The following SLC39A12 variants were observed in gnomAD, a reference collection of about 807,000 sequenced individuals.
The protein encoded by SLC39A12 is zinc transporter ZIP12.
SLC39A12 carries 63 observed loss-of-function variants against 71.1 expected under a neutral mutation model. That is an observed-to-expected ratio of 0.89 (90% confidence interval 0.72 to 1.09). The LOEUF (loss-of-function observed/expected upper bound fraction) is 1.09, where lower values mean the gene tolerates loss of function less well. Among genes scored for constraint, SLC39A12 ranks in the 50% least tolerant of loss-of-function variants. The probability of loss-of-function intolerance (pLI) is 0.00; values close to 1 mark genes in which losing one functional copy is unlikely to be tolerated. For missense variants in SLC39A12, 892 were observed against 812.6 expected (o/e 1.10, Z -1.19); for synonymous variants, 351 against 301.3 (o/e 1.16, Z -1.71).
At chr10:17,976,777 G>A (rs1589227293) in intron 4 of SLC39A12, among the ~76,000 whole-genome samples, 1 of 152,114 alleles carries the variant, frequency 6.6e-6, no homozygotes, top group Admixed American at 6.6e-5. Flanking sequence ...GTCTGGGTGT[G>A]AATCTTTTTG....
chr10:17,980,354 C>T (rs551968100), intron 5 of SLC39A12, among the ~76,000 whole-genome samples: 24 of 152,210 alleles, frequency 1.6e-4, no homozygotes, highest in African/African-American at 5.5e-4. Context: ...AATCTCTATA[C>T]AGTGTGGCAA....
intron 1 of SLC39A12, 37 bp from the exon 2 acceptor site, chr10:17,953,154 C>G (rs1344472795): frequency 8.8e-6 from 11 of 1,249,208 alleles, no homozygotes; most frequent in Non-Finnish European, 1.1e-5. Context: ...GTTGCAGGCA[C>G]AATAATTGAA....
intron 10 of SLC39A12, among the ~76,000 whole-genome samples, chr10:17,997,544 C>G (rs966480217): frequency 6.6e-6 from 1 of 152,048 alleles, no homozygotes; most frequent in Non-Finnish European, 1.5e-5. Flanking sequence ...CCAGTCAAAT[C>G]AGGAGCTGAA....
At chr10:17,959,991 G>A (rs1554848189) in intron 2 of SLC39A12, among the ~76,000 whole-genome samples, 1 of 152,100 alleles carries the variant, frequency 6.6e-6, no homozygotes, top group Admixed American at 6.6e-5. Flanking sequence ...GTGGAATAGG[G>A]GCATCATAGA....
chr10:17,994,846 G>C (rs1350115375), intron 9 of SLC39A12, among the ~76,000 whole-genome samples: 2 of 152,086 alleles, frequency 1.3e-5, no homozygotes, highest in Non-Finnish European at 2.9e-5. Flanking sequence ...CATTACATTT[G>C]TGTCAAAATT....
chr10:17,999,193 G>C (rs1380083698), intron 10 of SLC39A12, among the ~76,000 whole-genome samples: 1 of 151,080 alleles, frequency 6.6e-6, no homozygotes, highest in Non-Finnish European at 1.5e-5. Flanking sequence ...AGCAACTCGG[G>C]AGGCTGAGAC....
intron 5 of SLC39A12, among the ~76,000 whole-genome samples, chr10:17,979,982 A>G (rs1835210945): frequency 6.6e-6 from 1 of 152,158 alleles, no homozygotes; most frequent in Non-Finnish European, 1.5e-5. Flanking sequence ...AGATATATGC[A>G]GAGGGAAAAA....
Position 17,961,596 on chromosome 10 carries a change from G to A in SLC39A12, c.277G>A (p.Ala93Thr). 1 of 1,611,924 alleles carries A rather than the reference G, an allele frequency of 6.2e-7. No individual in the cohort carries two copies. Among genetic ancestry groups the A allele is most frequent in the South Asian group, 1.1e-5 (1 of 90,512 alleles). ...GDCNLCFEPDALLLIAGGNFE... is the reference protein window; with the variant it reads ...GDCNLCFEPDTLLLIAGGNFE... ...TCTTCCACAGTGCTTTGAACCAGAT[G>A]CACTATTACTAATAGCTGGAGGAAA... Residue 93 changes from alanine to threonine, a missense_variant, in exon 3 of 13, where the codon GCA becomes ACA. Coordinates refer to ENST00000377369, the MANE Select transcript of SLC39A12 (RefSeq NM_001145195.2).
chr10:17,958,626 T>C (rs1436245209), intron 2 of SLC39A12, among the ~76,000 whole-genome samples: 1 of 152,182 alleles, frequency 6.6e-6, no homozygotes, highest in Non-Finnish European at 1.5e-5. Context: ...TGACTAACAG[T>C]GCTCTCCACC....
At chr10:17,968,806 T>C (rs1834897395) in intron 4 of SLC39A12, among the ~76,000 whole-genome samples, 1 of 152,186 alleles carries the variant, frequency 6.6e-6, no homozygotes, top group African/African-American at 2.4e-5. Context: ...AGTCCAATTA[T>C]ATTCTTAGTT....
chr10:17,960,765 C>T (rs1834668621), intron 2 of SLC39A12, among the ~76,000 whole-genome samples: 3 of 152,190 alleles, frequency 2.0e-5, no homozygotes, highest in African/African-American at 4.8e-5. Context: ...ATTCGTGGCT[C>T]ATCCAAATTG....
At chr10:18,038,986 C>G (rs1837143410) in intron 12 of SLC39A12, among the ~76,000 whole-genome samples, 1 of 152,212 alleles carries the variant, frequency 6.6e-6, no homozygotes, top group Admixed American at 6.5e-5. Flanking sequence ...ATGCGTCTAT[C>G]TTGCCCAAAA....
chr10:17,973,607 A>G (rs555477697), intron 4 of SLC39A12, among the ~76,000 whole-genome samples: 152 of 152,272 alleles, frequency 1.0e-3, no homozygotes, highest in Non-Finnish European at 1.9e-3. Context: ...GCTGTCAGAC[A>G]TGTTGGAGTT....
intron 10 of SLC39A12, 145 bp downstream of exon 10, chr10:17,995,867 A>C (rs372027853): frequency 2.7e-5 from 17 of 624,476 alleles, no homozygotes; most frequent in Non-Finnish European, 4.6e-5. Flanking sequence ...TTTGTAATAA[A>C]AACTAATTCC....
intron 12 of SLC39A12, among the ~76,000 whole-genome samples, chr10:18,029,272 C>T (rs1249110372): frequency 6.6e-6 from 1 of 152,194 alleles, no homozygotes; most frequent in Non-Finnish European, 1.5e-5. Flanking sequence ...CTTGCGAGGA[C>T]CATTCTCTGT....
chr10:18,008,986 T>A (rs1412184899), intron 12 of SLC39A12, among the ~76,000 whole-genome samples: 6 of 152,148 alleles, frequency 3.9e-5, no homozygotes, highest in African/African-American at 1.4e-4. Flanking sequence ...CCTCAAAGTA[T>A]TGTCTTTTTC....
intron 3 of SLC39A12, 149 bp from the exon 4 acceptor site, chr10:17,965,334 G>A: frequency 1.5e-6 from 1 of 675,390 alleles, no homozygotes; most frequent in East Asian, 2.7e-5. Flanking sequence ...ATCTGAGACA[G>A]GAGAAAGATG....
intron 5 of SLC39A12, among the ~76,000 whole-genome samples, chr10:17,981,065 CTG>C (rs1253902119): frequency 2.0e-5 from 3 of 152,044 alleles, no homozygotes; most frequent in South Asian, 2.1e-4. Flanking sequence ...GAAAGAAAAA[CTG>C]TGCAAAACTC....
chr10:17,963,168 A>G (rs1554848603), intron 3 of SLC39A12, among the ~76,000 whole-genome samples: 2 of 152,166 alleles, frequency 1.3e-5, no homozygotes, highest in African/African-American at 4.8e-5. Context: ...CTCTAAAAGA[A>G]GAAAAGCAGG....
Sources: allele counts gnomAD v4.1 joint callset (sites outside exome capture counted in the v4.1 genomes callset), GRCh38; gene constraint gnomAD v4.1.1; transcripts MANE v1.5; gene names NCBI Gene and HGNC (gene_info 2026-07-23, HGNC 2026-07-21).